USP45: variants seen among roughly 807,000 people sequenced by gnomAD.
USP45 encodes the protein ubiquitin specific peptidase 45.
In USP45, 89 loss-of-function variants were observed where a neutral mutation model predicts 95.8. The observed-to-expected ratio is 0.93, with a 90% CI of 0.78 to 1.11. USP45 has a LOEUF of 1.11. Among genes scored for constraint, USP45 ranks in the 50% least tolerant of loss-of-function variants. The pLI is 0.00. For synonymous variants in USP45, 281 were observed against 316.2 expected (o/e 0.89, Z 1.18); for missense variants, 898 against 942.5 (o/e 0.95, Z 0.62).
rs776149112 is a variant in USP45 at position 99,443,625 on chromosome 6, C to A, written c.2013G>T (p.Lys671Asn). The A allele has an allele frequency of 1.9e-6, 3 of 1,608,642 alleles. No homozygotes were observed. The highest frequency in any genetic ancestry group is 1.7e-6 in the Non-Finnish European group (2 of 1,177,016). The change falls in exon 15 of 18, where the codon AAG becomes AAT. Residue 671 changes from lysine (K) to asparagine (N), a missense_variant. By Grantham distance (94) the Lys-to-Asn change is moderately conservative (BLOSUM62 0). Transcript: ENST00000500704. ...CTGGAACAGCAGAAATGAGCAATTG[C>A]TTCCTGGCATTAGTATAAACTCCTT... ...KVEGVYTNAR[K>N]QLLISAVPAV...
intron 13 of USP45, among the ~76,000 whole-genome samples, chr6:99,454,939 A>T (rs1208709989): frequency 6.6e-6 from 1 of 151,814 alleles, no homozygotes; most frequent in Non-Finnish European, 1.5e-5. Context: ...AATACAAAAA[A>T]ATAAGCCCGG....
At chr6:99,489,603 C>T (rs962226484) in intron 5 of USP45, among the ~76,000 whole-genome samples, 18 of 152,238 alleles carry the variant, frequency 1.2e-4, no homozygotes, top group African/African-American at 4.3e-4. Flanking sequence ...GTATATGACA[C>T]ATAAGTGCAT....
In USP45 at chr6:99,482,769, TAA is replaced by T. The variant is rs1792739500; in HGVS notation, c.827_828del (p.Phe276Ter). On this transcript the variant is annotated frameshift_variant, in exon 8 of 18. Coordinates refer to ENST00000500704, the MANE Select transcript of USP45 (RefSeq NM_001346022.3). LOFTEE classifies it high-confidence loss of function. ...EKGPLSPKVL[F>X]NQLCQKAPRF... ...TGCACCCACTTCTGACAAAGCTGAT[TAA>T]AAAGAACTTTAGGAGAAAGTGGTCC... 1 of 1,602,044 alleles carries T rather than the reference TAA, an allele frequency of 6.2e-7. No homozygotes were observed. The highest frequency in any genetic ancestry group is 1.7e-5 in the Admixed American group (1 of 58,736).
chr6:99,465,501 A>T (rs140171034), intron 11 of USP45, among the ~76,000 whole-genome samples: 51 of 152,296 alleles, frequency 3.3e-4, no homozygotes, highest in African/African-American at 1.1e-3. Flanking sequence ...AAAGCCATGA[A>T]AAAAAGCAGA....
intron 13 of USP45, among the ~76,000 whole-genome samples, chr6:99,455,201 G>C (rs1001757591): frequency 2.6e-5 from 4 of 152,114 alleles, no homozygotes; most frequent in Non-Finnish European, 4.4e-5. Flanking sequence ...CAGCACTTTG[G>C]GAGACTGAGG....
At chr6:99,460,707 A>G (rs1583111548) in intron 13 of USP45, 1 of 833,682 alleles carries the variant, frequency 1.2e-6, no homozygotes, top group Non-Finnish European at 1.4e-6. Context: ...AATAATAGAA[A>G]GATTGAAATT....
chr6:99,478,036 C>G (rs558837058), intron 8 of USP45, among the ~76,000 whole-genome samples: 2 of 152,168 alleles, frequency 1.3e-5, no homozygotes, highest in African/African-American at 4.8e-5. Flanking sequence ...TCTTCACTAG[C>G]CAAGTGGTAG....
chr6:99,486,615 AAGG>A (rs1413355152), intron 7 of USP45, among the ~76,000 whole-genome samples: 29 of 89,668 alleles, frequency 3.2e-4, no homozygotes, highest in Admixed American at 2.9e-3. Flanking sequence ...TATATATAAA[AAGG>A]AGGTTATTAT....
At position 99,482,857 on chromosome 6, in the gene USP45, C is replaced by A; in HGVS notation, c.741G>T (p.Arg247Ser). 2 of 1,567,032 alleles carry A rather than the reference C, an allele frequency of 1.3e-6. No homozygotes were observed. Among genetic ancestry groups the A allele is most frequent in the Non-Finnish European group, 1.7e-6 (2 of 1,158,196 alleles). Reference protein sequence around the residue: ...QLDPLVVELSRPGPLTSALFL... With the variant: ...QLDPLVVELSSPGPLTSALFL... ...ACAAGGCTGAGGTCAGTGGTCCAGGCCTTGAAAGTTCCACCACCAATGGGT... is the reference window on the plus strand; with the variant it reads ...ACAAGGCTGAGGTCAGTGGTCCAGGACTTGAAAGTTCCACCACCAATGGGT... The change falls in exon 8 of 18, where the codon AGG (arginine) becomes AGT (serine). Residue 247 changes from arginine (R) to serine (S), a missense_variant. Physicochemically the swap from Arg to Ser is moderately radical, Grantham distance 110 (BLOSUM62 -1). Transcript: ENST00000500704.
rs1254295043 is a variant in USP45, at chr6:99,464,692, G to A, written c.1220C>T (p.Thr407Ile). The change falls in exon 13 of 18, where the codon ACA becomes ATA. Residue 407 changes from threonine to isoleucine, a missense_variant. By Grantham distance (89) the Thr-to-Ile change is moderately conservative (BLOSUM62 -1). Transcript: ENST00000500704. ...ATTGCCACTGTATCGATCATGATCT[G>A]TCTCCCGTAAACTTCTATATTTATT... ...RMNKYRSLRE[T>I]DHDRYSGNVT... is the part of the protein sequence containing the mutation. The A allele has an allele frequency of 1.2e-6, 2 of 1,612,488 alleles. No individual in the cohort carries two copies. The highest frequency in any genetic ancestry group is 1.7e-6 in the Non-Finnish European group (2 of 1,179,690).
upstream of USP45, among the ~76,000 whole-genome samples, chr6:99,516,880 A>G (rs1312547267): frequency 6.6e-6 from 1 of 152,212 alleles, no homozygotes; most frequent in Non-Finnish European, 1.5e-5. Flanking sequence ...AACCCAGTTT[A>G]TGATTGATTT....
chr6:99,493,946 G>A (rs1477412063), intron 5 of USP45, among the ~76,000 whole-genome samples: 2 of 152,136 alleles, frequency 1.3e-5, no homozygotes, highest in Admixed American at 6.5e-5. Context: ...TATAAACACA[G>A]AACCAAATAC....
intron 13 of USP45, among the ~76,000 whole-genome samples, chr6:99,448,929 A>G (rs1203857820): frequency 6.6e-6 from 1 of 152,222 alleles, no homozygotes; most frequent in African/African-American, 2.4e-5. Flanking sequence ...ACTAAGCTTC[A>G]TAAGTGAACG....
At chr6:99,474,439 C>G (rs1235047788) in intron 9 of USP45, among the ~76,000 whole-genome samples, 1 of 152,138 alleles carries the variant, frequency 6.6e-6, no homozygotes, top group Non-Finnish European at 1.5e-5. Flanking sequence ...CTCAAGTGAT[C>G]CGCCCACCTT....
In USP45 at chr6:99,433,731, A is replaced by G. The variant is rs560915308; in HGVS notation, c.*1985T>C. ...AAATCTATGTAGATCTTTCCATTTT[A>G]AATGATGTTAAAATAGTGTCAGCAC... On this transcript the variant is annotated 3_prime_UTR_variant, in exon 18 of 18. Coordinates refer to ENST00000500704, the MANE Select transcript of USP45 (RefSeq NM_001346022.3). 1 of 152,244 alleles carries G rather than the reference A, an allele frequency of 6.6e-6. No individual in the cohort carries two copies. The highest frequency in any genetic ancestry group is 6.5e-5 in the Admixed American group (1 of 15,290). The allele number at this position is 152,244 out of a possible 1,614,324, so 9.4% of individuals were successfully genotyped here.
At chr6:99,464,083 G>C (rs12195354) in intron 13 of USP45, among the ~76,000 whole-genome samples, 40,239 of 151,814 alleles carry the variant, frequency 0.27, 5,877 homozygotes, top group Middle Eastern at 0.35. Context: ...GAGGCGGGCA[G>C]ATCACCTGAG....
At chr6:99,464,576 G>T (rs781494266) in intron 13 of USP45, 28 bp downstream of exon 13, 1 of 1,590,248 alleles carries the variant, frequency 6.3e-7, no homozygotes, top group East Asian at 2.2e-5. Context: ...TTAAAAAACA[G>T]ACGTCTAACA....
chr6:99,488,439 A>G (rs1794478770), intron 6 of USP45, 144 bp from the exon 7 acceptor site: 1 of 687,684 alleles, frequency 1.5e-6, no homozygotes, highest in Non-Finnish European at 2.4e-6. Context: ...TTTTACATTT[A>G]GTAAAGGTCA....
chr6:99,476,045 G>T, intron 9 of USP45, 98 bp downstream of exon 9: 1 of 1,074,032 alleles, frequency 9.3e-7, no homozygotes, highest in Non-Finnish European at 1.4e-6. Flanking sequence ...TGAAACTCCT[G>T]ACCTCAGATG....
Sources: gnomAD v4.1 joint callset for allele counts (sites outside exome capture counted in the v4.1 genomes callset) on GRCh38, gnomAD v4.1.1 for gene constraint, MANE v1.5 for transcripts, NCBI Gene and HGNC (gene_info 2026-07-23, HGNC 2026-07-21) for gene names.